Variants in KCND2 observed in about 807,000 individuals in gnomAD.
The protein encoded by KCND2 is potassium voltage-gated channel subfamily D member 2, also known as A-type voltage-gated potassium channel KCND2.
A neutral mutation model predicts 54.4 loss-of-function variants in KCND2; 16 were observed. The observed-to-expected ratio is 0.29, with a 90% CI of 0.20 to 0.45. KCND2 has a LOEUF of 0.45. Ranked by LOEUF, KCND2 falls within the 20% of genes least tolerant of loss-of-function variation. The pLI is 1.00. For missense variants in KCND2, 486 were observed against 824.2 expected, an observed-to-expected ratio of 0.59 and a Z score of 5.02; for synonymous variants, 317 against 310.7, an observed-to-expected ratio of 1.02 and a Z score of -0.21.
At chr7:120,533,420 T>C (rs1791865655) in intron 1 of KCND2, among the ~76,000 whole-genome samples, 1 of 152,146 alleles carries the variant, frequency 6.6e-6, no homozygotes. Context: ...ACTATTGATC[T>C]GGCACTAGGC....
chr7:120,642,215 T>C (rs559605386), intron 1 of KCND2, among the ~76,000 whole-genome samples: 1 of 152,130 alleles, frequency 6.6e-6, no homozygotes, highest in Non-Finnish European at 1.5e-5. Context: ...TGTATCCAGA[T>C]GTTTTTCATT....
At chr7:120,556,636 A>G (rs1235679718) in intron 1 of KCND2, among the ~76,000 whole-genome samples, 2 of 152,180 alleles carry the variant, frequency 1.3e-5, no homozygotes, top group Non-Finnish European at 2.9e-5. Context: ...TCACTATGAC[A>G]TTTTACATTT....
At chr7:120,295,941 A>G (rs1343134439) in intron 1 of KCND2, among the ~76,000 whole-genome samples, 2 of 152,016 alleles carry the variant, frequency 1.3e-5, no homozygotes, top group African/African-American at 2.4e-5. Flanking sequence ...AGTCACTATT[A>G]ATTATTTCCC....
intron 1 of KCND2, among the ~76,000 whole-genome samples, chr7:120,636,494 G>A (rs1193729660): frequency 6.6e-6 from 1 of 152,028 alleles, no homozygotes; most frequent in African/African-American, 2.4e-5. Flanking sequence ...GCATAATTAA[G>A]TAATGAAGCA....
Position 120,573,494 on chromosome 7 carries a change from G to A in KCND2, c.1116-159409G>A, listed in dbSNP as rs533204516. Among the ~76,000 whole-genome samples the A allele has an allele frequency of 5.9e-5, 9 of 152,248 alleles. No individual in the cohort carries two copies. In the South Asian group the frequency reaches 1.9e-3, roughly 32 times the overall value. On this transcript the variant is annotated intron_variant, in intron 1 of 5. Coordinates refer to ENST00000331113, the MANE Select transcript of KCND2 (RefSeq NM_012281.3). Reference sequence around the variant, plus strand: ...CCCTGAAACAAGTGTTTCCCAACTTGCATTTTCCCCCGTTAAGCTTACTTG... The same window carrying A: ...CCCTGAAACAAGTGTTTCCCAACTTACATTTTCCCCCGTTAAGCTTACTTG...
chr7:120,735,053 T>C (rs1278980744), intron 2 of KCND2, among the ~76,000 whole-genome samples: 1 of 152,114 alleles, frequency 6.6e-6, no homozygotes, highest in Non-Finnish European at 1.5e-5. Flanking sequence ...AGAATCACTT[T>C]TTCAAGCTCT....
chr7:120,353,132 A>ATTTT (rs1491194211), intron 1 of KCND2, among the ~76,000 whole-genome samples: 4 of 75,040 alleles, frequency 5.3e-5, no homozygotes, highest in African/African-American at 4.4e-5. Context: ...AAATACTTTT[A>ATTTT]CTTTTTTTTT....
intron 1 of KCND2, among the ~76,000 whole-genome samples, chr7:120,395,015 A>G (rs1430081936): frequency 6.6e-6 from 1 of 152,070 alleles, no homozygotes; most frequent in Admixed American, 6.6e-5. Flanking sequence ...TACCAAGTTT[A>G]GAGTCCCTGT....
At chr7:120,590,064 G>T (rs1792650981) in intron 1 of KCND2, among the ~76,000 whole-genome samples, 1 of 152,080 alleles carries the variant, frequency 6.6e-6, no homozygotes, top group Admixed American at 6.6e-5. Flanking sequence ...ACCCAGGCTG[G>T]AGTGCAATGG....
intron 1 of KCND2, among the ~76,000 whole-genome samples, chr7:120,648,865 A>G (rs1183737784): frequency 6.6e-6 from 1 of 152,244 alleles, no homozygotes; most frequent in Non-Finnish European, 1.5e-5. Context: ...GTCTCTTGGC[A>G]ATACTACAAA....
At chr7:120,446,080 T>C (rs1802014311) in intron 1 of KCND2, among the ~76,000 whole-genome samples, 1 of 152,162 alleles carries the variant, frequency 6.6e-6, no homozygotes, top group African/African-American at 2.4e-5. Context: ...TATCACTCCA[T>C]CTAGCCAGTG....
In KCND2 at chr7:120,397,084, T is replaced by A. The variant is rs6954358; in HGVS notation, c.1115+121337T>A. On this transcript the variant is annotated intron_variant, in intron 1 of 5. Coordinates refer to ENST00000331113, the MANE Select transcript of KCND2 (RefSeq NM_012281.3). ...CCTAGGAAAGAAGGCCCTATATCTA[T>A]GAACAGACACCTGCACTGTAGAATA... is the stretch of plus-strand genomic sequence containing the variant. Among the ~76,000 whole-genome samples, 976 of 152,164 alleles carry A rather than the reference T, an allele frequency of 6.4e-3. 15 individuals carry two copies. Among genetic ancestry groups the A allele is most frequent in the African/African-American group, 0.022 (934 of 41,558 alleles).
intron 1 of KCND2, among the ~76,000 whole-genome samples, chr7:120,553,022 CAT>C (rs1193643732): frequency 2.0e-5 from 3 of 152,182 alleles, no homozygotes; most frequent in African/African-American, 4.8e-5. Flanking sequence ...CATCACCTCA[CAT>C]AGTTACTTTT....
chr7:120,542,024 A>G (rs1295331458), intron 1 of KCND2, among the ~76,000 whole-genome samples: 1 of 152,134 alleles, frequency 6.6e-6, no homozygotes, highest in Non-Finnish European at 1.5e-5. Context: ...ATTTTATTAA[A>G]TATTTTTAAA....
chr7:120,629,465 G>A lies in KCND2; in HGVS notation c.1116-103438G>A, dbSNP rs549821160. ...GGTGCCACTGCACTCCATCCTGGGC[G>A]ACAGAGCGAGACTCCGTCTCGGGGG... On this transcript the variant is annotated intron_variant, in intron 1 of 5. Coordinates refer to ENST00000331113, the MANE Select transcript of KCND2 (RefSeq NM_012281.3). 3.8e-3 allele frequency among the ~76,000 whole-genome samples: 584 copies of A among 152,186 alleles called. 4 individuals carry two copies. The highest frequency in any genetic ancestry group is 0.012 in the African/African-American group (493 of 41,544).
chr7:120,284,422 T>C (rs1799310380), intron 1 of KCND2, among the ~76,000 whole-genome samples: 1 of 152,180 alleles, frequency 6.6e-6, no homozygotes, highest in South Asian at 2.1e-4. Flanking sequence ...TTCTCCATAT[T>C]GTTTTAGATA....
At chr7:120,640,585 G>A (rs1222636301) in intron 1 of KCND2, among the ~76,000 whole-genome samples, 2 of 151,866 alleles carry the variant, frequency 1.3e-5, no homozygotes, top group Non-Finnish European at 2.9e-5. Context: ...TTGTGAATGT[G>A]GTTACTACTA....
At chr7:120,479,716 G>T (rs1025385362) in intron 1 of KCND2, among the ~76,000 whole-genome samples, 2 of 148,470 alleles carry the variant, frequency 1.3e-5, no homozygotes, top group Non-Finnish European at 3.0e-5. Context: ...ATCACTTGAG[G>T]CCGGGAGTTC....
At chr7:120,596,328 T>C (rs2116466129) in intron 1 of KCND2, among the ~76,000 whole-genome samples, 1 of 152,206 alleles carries the variant, frequency 6.6e-6, no homozygotes, top group East Asian at 1.9e-4. Flanking sequence ...AAAGCAGGAA[T>C]GCATCTGCTC....
Sources: allele counts gnomAD v4.1 joint callset (sites outside exome capture counted in the v4.1 genomes callset), GRCh38; gene constraint gnomAD v4.1.1; transcripts MANE v1.5; gene names NCBI Gene and HGNC (gene_info 2026-07-23, HGNC 2026-07-21).